Variants in RGS6 observed in about 807,000 individuals in gnomAD.
RGS6 encodes regulator of G-protein signaling 6.
RGS6 carries 30 observed loss-of-function variants against 78.5 expected under a neutral mutation model. The observed-to-expected ratio is 0.38, with a 90% CI of 0.29 to 0.52. The LOEUF is 0.52. RGS6 is among the 20% of genes least tolerant of loss of function. RGS6 has a pLI of 0.85. For missense variants in RGS6, 495 were observed against 609.7 expected (o/e 0.81, Z 1.98); for synonymous variants, 206 against 206.0 (o/e 1.00, Z 0.00).
chr14:72,363,549 A>G (rs1426677772), intron 3 of RGS6, among the ~76,000 whole-genome samples: 1 of 152,222 alleles, frequency 6.6e-6, no homozygotes, highest in Non-Finnish European at 1.5e-5. Context: ...TGGTAGCAGT[A>G]GGGTTCAAAA....
chr14:72,416,977 CTT>C (rs1288574735), intron 3 of RGS6, among the ~76,000 whole-genome samples: 1 of 152,154 alleles, frequency 6.6e-6, no homozygotes, highest in African/African-American at 2.4e-5. Flanking sequence ...CAGGGTATGC[CTT>C]AGTAGATGTT....
At chr14:72,099,978 C>T (rs973089389) in intron 2 of RGS6, among the ~76,000 whole-genome samples, 1 of 152,050 alleles carries the variant, frequency 6.6e-6, no homozygotes, top group Admixed American at 6.6e-5. Flanking sequence ...GTTGCTGTTT[C>T]ATGGATTTGG....
At chr14:72,136,918 C>A (rs1383140893) in intron 2 of RGS6, among the ~76,000 whole-genome samples, 1 of 152,144 alleles carries the variant, frequency 6.6e-6, no homozygotes, top group Non-Finnish European at 1.5e-5. Context: ...AGAACCTACT[C>A]CCTGGAGATA....
At chr14:72,305,788 G>A (rs925377444) in intron 2 of RGS6, among the ~76,000 whole-genome samples, 1 of 152,200 alleles carries the variant, frequency 6.6e-6, no homozygotes, top group Non-Finnish European at 1.5e-5. Context: ...GAAAGGAAGA[G>A]TCATACATCT....
At chr14:71,976,482 GTT>G (rs2094138848) in intron 2 of RGS6, among the ~76,000 whole-genome samples, 3 of 144,102 alleles carry the variant, frequency 2.1e-5, no homozygotes, top group Non-Finnish European at 4.5e-5. Flanking sequence ...TCATTGTTCA[GTT>G]CCCACCTATG....
intron 12 of RGS6, among the ~76,000 whole-genome samples, chr14:72,483,907 G>A (rs61995151): frequency 6.2e-4 from 94 of 151,858 alleles, no homozygotes; most frequent in Middle Eastern, 3.4e-3. Flanking sequence ...GTTTTCTCTG[G>A]GTGACTTGCA....
intron 2 of RGS6, among the ~76,000 whole-genome samples, chr14:72,151,383 A>G (rs2096684231): frequency 6.6e-6 from 1 of 152,230 alleles, no homozygotes; most frequent in Non-Finnish European, 1.5e-5. Context: ...TATCAGCAGG[A>G]CTTGTGTTTT....
chr14:71,915,003 T>G, the RGS6 span, among the ~76,000 whole-genome samples: 3 of 151,660 alleles, frequency 2.0e-5, no homozygotes, highest in Non-Finnish European at 4.4e-5. Context: ...ATCCCAGCAC[T>G]TTGGGAGGCC....
chr14:72,416,475 C>T (rs1221785427), intron 3 of RGS6, among the ~76,000 whole-genome samples: 1 of 152,152 alleles, frequency 6.6e-6, no homozygotes, highest in African/African-American at 2.4e-5. Flanking sequence ...ACTTTAATTT[C>T]TCAAAGTGTT....
intron 2 of RGS6, among the ~76,000 whole-genome samples, chr14:72,109,039 C>CT (rs1567221166): frequency 6.6e-6 from 1 of 152,002 alleles, no homozygotes; most frequent in Non-Finnish European, 1.5e-5. Context: ...TCATAGAGCT[C>CT]TGTCTTCTAT....
intron 2 of RGS6, among the ~76,000 whole-genome samples, chr14:72,209,519 A>C (rs747688909): frequency 1.3e-5 from 2 of 152,214 alleles, no homozygotes; most frequent in Non-Finnish European, 2.9e-5. Context: ...GCTTGTTGCC[A>C]GCCACTTAAT....
At chr14:72,376,308 T>C (rs1263721418) in intron 3 of RGS6, among the ~76,000 whole-genome samples, 4 of 152,046 alleles carry the variant, frequency 2.6e-5, no homozygotes, top group Non-Finnish European at 5.9e-5. Context: ...GGCAAACAAA[T>C]AGATGAAATT....
chr14:72,102,100 CA>C (rs1422373984), intron 2 of RGS6, among the ~76,000 whole-genome samples: 1 of 152,172 alleles, frequency 6.6e-6, no homozygotes, highest in East Asian at 1.9e-4. Flanking sequence ...AAAATTGTTC[CA>C]GCCGAGGAAC....
intron 2 of RGS6, among the ~76,000 whole-genome samples, chr14:72,268,956 ATCTC>A (rs1277424828): frequency 2.6e-5 from 4 of 152,084 alleles, no homozygotes; most frequent in East Asian, 1.9e-4. Context: ...ATTCGACCTG[ATCTC>A]TCTCTTTCTT....
At chr14:72,199,870 A>G (rs1036088964) in intron 2 of RGS6, among the ~76,000 whole-genome samples, 1 of 152,144 alleles carries the variant, frequency 6.6e-6, no homozygotes. Context: ...ATAAAATTGT[A>G]TTGGAATTTA....
chr14:72,594,212 G>A, the RGS6 span: 2 of 152,230 alleles, frequency 1.3e-5, no homozygotes, highest in African/African-American at 2.4e-5. Context: ...CTCAAACATA[G>A]TGGAGCAAAG....
At chr14:72,067,070 A>G (rs964065401) in intron 2 of RGS6, among the ~76,000 whole-genome samples, 4 of 152,164 alleles carry the variant, frequency 2.6e-5, no homozygotes, top group East Asian at 3.8e-4. Flanking sequence ...ATTCATGGGC[A>G]TTTGGGTTGG....
At chr14:72,548,728 A>T (rs1436159000) in intron 17 of RGS6, among the ~76,000 whole-genome samples, 4 of 152,200 alleles carry the variant, frequency 2.6e-5, no homozygotes, top group Admixed American at 1.3e-4. Flanking sequence ...AGCAGACTTG[A>T]TGGCCACCGT....
the RGS6 span, among the ~76,000 whole-genome samples, chr14:71,896,140 A>T: frequency 6.6e-6 from 1 of 152,148 alleles, no homozygotes; most frequent in Non-Finnish European, 1.5e-5. Flanking sequence ...AGGGGTCCAG[A>T]TGCAGACCCC....
Sources: allele counts gnomAD v4.1 joint callset (sites outside exome capture counted in the v4.1 genomes callset), GRCh38; gene constraint gnomAD v4.1.1; transcripts MANE v1.5; gene names NCBI Gene and HGNC (gene_info 2026-07-23, HGNC 2026-07-21).